PGM1: variants seen among roughly 807,000 people sequenced by gnomAD.
PGM1 encodes the protein phosphoglucomutase 1.
Under a neutral mutation model 55.6 loss-of-function variants are expected in PGM1, and 52 were observed. The ratio of observed to expected loss-of-function variants is 0.94; its 90% CI spans 0.75 to 1.18. PGM1 has a LOEUF of 1.18. PGM1 is among the 50% of genes most tolerant of loss of function. The pLI is 0.00. For synonymous variants in PGM1, 287 were observed against 271.7 expected, an observed-to-expected ratio of 1.06 and a Z score of -0.55; for missense variants, 724 against 729.3, an observed-to-expected ratio of 0.99 and a Z score of 0.08.
intron 1 of PGM1, among the ~76,000 whole-genome samples, chr1:63,621,499 C>T (rs1195329903): frequency 6.6e-6 from 1 of 152,128 alleles, no homozygotes; most frequent in Non-Finnish European, 1.5e-5. Context: ...TATGTCAAGA[C>T]ACACATGCCA....
rs1649716679 is a variant in PGM1, at chr1:63,648,561, G to T, written c.1189G>T (p.Ala397Ser). 1.2e-6 allele frequency: 2 copies of T among 1,613,950 alleles called. No individual in the cohort carries two copies. The highest frequency in any genetic ancestry group is 2.7e-5 in the African/African-American group (2 of 74,922). The change falls in exon 8 of 11, where the codon GCC (alanine) becomes TCC (serine). Residue 397 changes from alanine to serine, a missense_variant. This residue lies in a region of PGM1 where 316 missense variants were observed against 313.1 expected (regional missense o/e 1.01). Transcript: ENST00000371084. ...REKDGLWAVL[A>S]WLSILATRKQ... ...GAAAGATGGACTGTGGGCTGTCCTTGCCTGGCTCTCCATCCTAGCCACCCG... is the reference window on the plus strand; with the variant it reads ...GAAAGATGGACTGTGGGCTGTCCTTTCCTGGCTCTCCATCCTAGCCACCCG...
chr1:63,618,551 T>C (rs79027725), intron 1 of PGM1, among the ~76,000 whole-genome samples: 3,957 of 152,308 alleles, frequency 0.026, 60 homozygotes, highest in Non-Finnish European at 0.039. Flanking sequence ...CCAAAAATAT[T>C]AATACTATGT....
At chr1:63,656,602 G>T (rs1372006641) in intron 10 of PGM1, among the ~76,000 whole-genome samples, 2 of 122,180 alleles carry the variant, frequency 1.6e-5, no homozygotes, top group Non-Finnish European at 3.2e-5. Flanking sequence ...GTGTGTGTGT[G>T]TGTGTATACC....
intron 10 of PGM1, among the ~76,000 whole-genome samples, chr1:63,657,069 T>C (rs2101005662): frequency 6.6e-6 from 1 of 152,332 alleles, no homozygotes; most frequent in Middle Eastern, 3.4e-3. Flanking sequence ...TATTTGTATA[T>C]CAAGACATCA....
chr1:63,649,036 G>T (rs1232517653), intron 8 of PGM1, among the ~76,000 whole-genome samples: 4 of 152,154 alleles, frequency 2.6e-5, no homozygotes, highest in Non-Finnish European at 5.9e-5. Flanking sequence ...GTCATCTGTA[G>T]AAATGGGAAT....
At chr1:63,630,476 T>A (rs1218042166) in intron 3 of PGM1, among the ~76,000 whole-genome samples, 6 of 152,214 alleles carry the variant, frequency 3.9e-5, no homozygotes, top group Non-Finnish European at 8.8e-5. Flanking sequence ...ACTGTCAGCA[T>A]TCACTATTAT....
chr1:63,605,514 T>G (rs562370199), intron 1 of PGM1, among the ~76,000 whole-genome samples: 1 of 152,322 alleles, frequency 6.6e-6, no homozygotes, highest in Admixed American at 6.5e-5. Flanking sequence ...AATCTGATTT[T>G]GCTGGTGGGC....
At chr1:63,636,849 CT>C (rs1649378408) in intron 6 of PGM1, among the ~76,000 whole-genome samples, 2 of 152,224 alleles carry the variant, frequency 1.3e-5, no homozygotes, top group Admixed American at 1.3e-4. Context: ...GATCACTTTT[CT>C]TTTGCAGTGT....
intron 1 of PGM1, among the ~76,000 whole-genome samples, chr1:63,622,262 T>G (rs1245858955): frequency 5.3e-5 from 8 of 151,954 alleles, no homozygotes; most frequent in Non-Finnish European, 1.0e-4. Flanking sequence ...TGACCTCAGG[T>G]GATCTGCCCA....
chr1:63,647,275 T>TATATATATAC (rs1553122061), intron 7 of PGM1, among the ~76,000 whole-genome samples: 1,299 of 46,240 alleles, frequency 0.028, 50 homozygotes, highest in Non-Finnish European at 0.04. Context: ...TATATATATA[T>TATATATATAC]ATATATATAT....
At chr1:63,629,309 C>A in intron 1 of PGM1, 116 bp from the exon 2 acceptor site, 2 of 875,426 alleles carry the variant, frequency 2.3e-6, no homozygotes, top group South Asian at 2.7e-5. Flanking sequence ...TTTTCTTGTC[C>A]AACAGATTAT....
At chr1:63,639,674 A>G (rs1167774764) in intron 7 of PGM1, among the ~76,000 whole-genome samples, 1 of 152,068 alleles carries the variant, frequency 6.6e-6, no homozygotes, top group African/African-American at 2.4e-5. Context: ...TCTTGGTCCT[A>G]TAGTACTCTA....
intron 10 of PGM1, among the ~76,000 whole-genome samples, chr1:63,654,803 A>G (rs1288121333): frequency 6.6e-6 from 1 of 151,930 alleles, no homozygotes; most frequent in East Asian, 1.9e-4. Flanking sequence ...CTGAGCATTT[A>G]TGGTTTGCCA....
intron 7 of PGM1, among the ~76,000 whole-genome samples, chr1:63,643,710 A>G (rs969783588): frequency 1.3e-5 from 2 of 152,200 alleles, no homozygotes; most frequent in Non-Finnish European, 2.9e-5. Context: ...TGTCTTAACA[A>G]CTGACTTTGG....
intron 1 of PGM1, among the ~76,000 whole-genome samples, chr1:63,620,794 A>T (rs775881312): frequency 5.9e-5 from 9 of 152,194 alleles, no homozygotes; most frequent in Non-Finnish European, 1.0e-4. Context: ...TGAAGGGAGT[A>T]ATCCTTAAAT....
chr1:63,603,566 A>G (rs1233381480), intron 1 of PGM1, among the ~76,000 whole-genome samples: 12 of 152,228 alleles, frequency 7.9e-5, no homozygotes, highest in Non-Finnish European at 1.6e-4. Context: ...CAGAATCGTA[A>G]GACCAGATGG....
intron 10 of PGM1, 152 bp downstream of exon 10, chr1:63,654,618 A>C: frequency 1.4e-6 from 1 of 696,284 alleles, no homozygotes; most frequent in Non-Finnish European, 2.4e-6. Context: ...CCATGTCAAC[A>C]TTATAGATAA....
intron 1 of PGM1, among the ~76,000 whole-genome samples, chr1:63,614,081 A>G (rs559685171): frequency 3.9e-5 from 6 of 152,336 alleles, no homozygotes; most frequent in East Asian, 1.9e-4. Context: ...CTGAGTTGTT[A>G]TTAAGCCTGC....
intron 1 of PGM1, among the ~76,000 whole-genome samples, chr1:63,612,315 C>T (rs111843715): frequency 5.3e-5 from 8 of 152,168 alleles, no homozygotes; most frequent in South Asian, 2.1e-4. Flanking sequence ...CAGCAGGTTA[C>T]GTGACACGTG....
Sources: gnomAD v4.1 joint callset for allele counts (sites outside exome capture counted in the v4.1 genomes callset) on GRCh38, gnomAD v4.1.1 for gene constraint, gnomAD v4.1.1 regional missense constraint, MANE v1.5 for transcripts, NCBI Gene and HGNC (gene_info 2026-07-23, HGNC 2026-07-21) for gene names.